Variants in COLEC12 observed in about 807,000 individuals in gnomAD.
COLEC12 encodes collectin subfamily member 12.
In COLEC12, 33 loss-of-function variants were observed where a neutral mutation model predicts 71.1. The observed-to-expected ratio is 0.46, with a 90% CI of 0.35 to 0.62. The LOEUF (loss-of-function observed/expected upper bound fraction) is 0.62. COLEC12 is among the 20% of genes least tolerant of loss of function. The pLI, the probability that COLEC12 is intolerant of heterozygous loss-of-function variation, is 0.00. For missense variants in COLEC12, 765 were observed against 916.1 expected (o/e 0.84, Z 2.13); for synonymous variants, 350 against 353.0 (o/e 0.99, Z 0.10).
At chr18:351,341 T>A (rs2143486895) in intron 3 of COLEC12, among the ~76,000 whole-genome samples, 1 of 152,214 alleles carries the variant, frequency 6.6e-6, no homozygotes, top group African/African-American at 2.4e-5. Flanking sequence ...TTCAAGACTC[T>A]GCTTGTCACT....
At chr18:498,834 C>T (rs1372443487) in intron 1 of COLEC12, among the ~76,000 whole-genome samples, 1 of 152,164 alleles carries the variant, frequency 6.6e-6, no homozygotes, top group East Asian at 1.9e-4. Context: ...GCATAAATCT[C>T]TCCAAAAATG....
At chr18:435,312 C>G (rs1407013528) in intron 2 of COLEC12, among the ~76,000 whole-genome samples, 2 of 152,124 alleles carry the variant, frequency 1.3e-5, no homozygotes, top group African/African-American at 4.8e-5. Flanking sequence ...CTGGGGAGGC[C>G]TCAGGAAACT....
At chr18:425,018 G>A (rs1916172243) in intron 2 of COLEC12, among the ~76,000 whole-genome samples, 1 of 146,992 alleles carries the variant, frequency 6.8e-6, no homozygotes, top group Non-Finnish European at 1.5e-5. Context: ...GTGGTTTCCT[G>A]TACTTGGTTT....
At position 436,094 on chromosome 18, in the gene COLEC12, T is replaced by C. The variant is rs144895700; in HGVS notation, c.58+44613A>G. On this transcript the variant is annotated intron_variant, in intron 2 of 9. Coordinates refer to ENST00000400256, the MANE Select transcript of COLEC12 (RefSeq NM_130386.3). ...TAACTTCCAGTTAGCCATCAACTCT[T>C]TGCTTCTTGCTTCTTGGTCAAGTGA... Among the ~76,000 whole-genome samples, 374 of 152,342 alleles carry C rather than the reference T, an allele frequency of 2.5e-3. 1 individual carries two copies. Among genetic ancestry groups the C allele is most frequent in the African/African-American group, 8.6e-3 (356 of 41,584 alleles).
chr18:349,065 C>T (rs1914448195), intron 3 of COLEC12, among the ~76,000 whole-genome samples: 1 of 152,212 alleles, frequency 6.6e-6, no homozygotes, highest in African/African-American at 2.4e-5. Flanking sequence ...TTCTAATTTT[C>T]TCTTGCCGTC....
At chr18:354,962 T>C (rs1379556258) in intron 3 of COLEC12, among the ~76,000 whole-genome samples, 14 of 152,160 alleles carry the variant, frequency 9.2e-5, no homozygotes, top group African/African-American at 2.4e-5. Flanking sequence ...ATCCCCTAGA[T>C]GCAGATTGGC....
chr18:410,988 A>G, intron 2 of COLEC12, among the ~76,000 whole-genome samples: 1 of 152,218 alleles, frequency 6.6e-6, no homozygotes, highest in East Asian at 1.9e-4. Context: ...GGGTAAGAGA[A>G]TGCTTAGTAG....
chr18:446,244 GTA>G (rs34430904), intron 2 of COLEC12, among the ~76,000 whole-genome samples: 72,719 of 151,394 alleles, frequency 0.48, 17,779 homozygotes, highest in South Asian at 0.55. Context: ...TCTCCTTGGT[GTA>G]TATATATATG....
intron 2 of COLEC12, among the ~76,000 whole-genome samples, chr18:363,033 A>AG (rs942230701): frequency 2.2e-4 from 33 of 151,594 alleles, no homozygotes; most frequent in African/African-American, 7.8e-4. Flanking sequence ...AGAAGCTGGC[A>AG]GGGGGGGAAT....
chr18:321,085 G>A lies in COLEC12; in HGVS notation c.2209+577C>T, dbSNP rs964663018. On this transcript the variant is annotated intron_variant, in intron 9 of 9. Coordinates refer to ENST00000400256, the MANE Select transcript of COLEC12 (RefSeq NM_130386.3). The stretch of plus-strand genomic sequence containing the variant: ...CTTTTCTTTTTTGAGATGGAGTTTC[G>A]CTGTTGTTTCCCAGGCTGGAGTGCA... 1.3e-4 allele frequency among the ~76,000 whole-genome samples: 20 copies of A among 152,136 alleles called. 1 individual carries two copies. Among genetic ancestry groups the A allele is most frequent in the Admixed American group, 1.2e-3 (19 of 15,270 alleles).
chr18:495,884 C>T (rs2143797708), intron 1 of COLEC12, among the ~76,000 whole-genome samples: 1 of 152,318 alleles, frequency 6.6e-6, no homozygotes, highest in East Asian at 1.9e-4. Flanking sequence ...AGACAAGTAA[C>T]ACAACCTCTC....
chr18:346,827 C>T lies in COLEC12; in HGVS notation c.795G>A (p.Leu265=). ...CAGAGTTGTTGGCAGCCAGCGTCTG[C>T]AAGCTCTGCACTTTCTCCTTCAGCC... The part of the protein sequence containing the change: ...TDWLKEKVQS[L]QTLAANNSAL... The change falls in exon 5 of 10, where the codon TTG becomes TTA. Residue 265 remains leucine (L), a synonymous_variant. Transcript: ENST00000400256. This position sits in a 1 kb window ranked among gnomAD's most constrained non-coding sequence, Gnocchi z 4.0. 1.2e-6 allele frequency: 2 copies of T among 1,614,154 alleles called. No homozygotes were observed. Among genetic ancestry groups the T allele is most frequent in the Non-Finnish European group, 1.7e-6 (2 of 1,179,976 alleles).
chr18:484,378 T>C (rs930765020), intron 1 of COLEC12, among the ~76,000 whole-genome samples: 2 of 152,226 alleles, frequency 1.3e-5, no homozygotes, highest in Non-Finnish European at 2.9e-5. Context: ...GTGGGTTCCC[T>C]GCTTCTCATC....
At chr18:458,598 C>G (rs1368278630) in intron 2 of COLEC12, among the ~76,000 whole-genome samples, 1 of 152,256 alleles carries the variant, frequency 6.6e-6, no homozygotes, top group Non-Finnish European at 1.5e-5. Context: ...GACCTAGGAG[C>G]TGAGGACCCC....
At chr18:418,695 C>T (rs999630243) in intron 2 of COLEC12, among the ~76,000 whole-genome samples, 3 of 152,166 alleles carry the variant, frequency 2.0e-5, no homozygotes, top group Non-Finnish European at 4.4e-5. Flanking sequence ...CTCCCACCAG[C>T]GCCATGACAG....
chr18:453,974 G>A (rs1488468885), intron 2 of COLEC12, among the ~76,000 whole-genome samples: 2 of 152,174 alleles, frequency 1.3e-5, no homozygotes, highest in African/African-American at 2.4e-5. Context: ...TCTAATCAAA[G>A]ACACCATCAC....
chr18:377,967 C>T (rs996600478), intron 2 of COLEC12, among the ~76,000 whole-genome samples: 50 of 152,252 alleles, frequency 3.3e-4, no homozygotes, highest in African/African-American at 1.2e-3. Flanking sequence ...ATTGAAACAA[C>T]CCACATCCCA....
intron 2 of COLEC12, among the ~76,000 whole-genome samples, chr18:455,650 C>T (rs1021807531): frequency 6.6e-6 from 1 of 151,646 alleles, no homozygotes; most frequent in African/African-American, 2.4e-5. Context: ...TCCCTTTGCC[C>T]CCCCCTCCCC....
intron 2 of COLEC12, among the ~76,000 whole-genome samples, chr18:441,292 C>T (rs1312015398): frequency 6.6e-6 from 1 of 152,004 alleles, no homozygotes; most frequent in Non-Finnish European, 1.5e-5. Flanking sequence ...AAGTGCTATA[C>T]GGACTGTACG....
Sources: allele counts gnomAD v4.1 joint callset (sites outside exome capture counted in the v4.1 genomes callset), GRCh38; gene constraint gnomAD v4.1.1; non-coding constraint Gnocchi (gnomAD v3.1); transcripts MANE v1.5; gene names NCBI Gene and HGNC (gene_info 2026-07-23, HGNC 2026-07-21).